FAM124A: variants seen among roughly 807,000 people sequenced by gnomAD.
The protein encoded by FAM124A is family with sequence similarity 124 member A.
FAM124A carries 23 observed loss-of-function variants against 24.5 expected under a neutral mutation model. The observed-to-expected ratio is 0.94, with a 90% CI of 0.68 to 1.33. FAM124A has a LOEUF of 1.33. FAM124A is among the 40% of genes most tolerant of loss of function. The probability of loss-of-function intolerance (pLI) is 0.00; values close to 1 mark genes in which losing one functional copy is unlikely to be tolerated. For missense variants in FAM124A, 623 were observed against 722.8 expected (o/e 0.86, Z 1.58); for synonymous variants, 287 against 314.7 (o/e 0.91, Z 0.93).
intron 2 of FAM124A, among the ~76,000 whole-genome samples, chr13:51,235,075 G>A (rs1464711387): frequency 7.3e-6 from 1 of 136,932 alleles, no homozygotes; most frequent in Admixed American, 7.7e-5. Flanking sequence ...GGATGGTTTG[G>A]TTTTGTCTGG....
chr13:51,233,878 A>G (rs904837316), intron 2 of FAM124A, among the ~76,000 whole-genome samples: 2 of 152,238 alleles, frequency 1.3e-5, no homozygotes, highest in Non-Finnish European at 2.9e-5. Context: ...AGAGAAGGGT[A>G]GTGACTTTGT....
chr13:51,251,659 C>T lies in FAM124A; in HGVS notation c.292C>T (p.Gln98Ter). 6.3e-7 allele frequency: 1 copy of T among 1,583,732 alleles called. No homozygotes were observed. Among genetic ancestry groups the T allele is most frequent in the South Asian group, 1.1e-5 (1 of 87,774 alleles). Residue 98 changes from glutamine to a stop codon, truncating the protein, a stop_gained, in exon 3 of 4, where the codon CAG becomes TAG. Transcript: ENST00000322475. LOFTEE classifies it high-confidence loss of function. The surrounding 1 kb of genome is among the most constrained non-coding windows in gnomAD (Gnocchi z 5.3). ...GCGGCGGAAGCCCCCCAAGGGCGCT[C>T]AGCCAGCGCTGGCTGTGGTGCTGTT... ...RRRRKPPKGA[Q>*]PALAVVLFLQ...
chr13:51,281,005 C>T lies in FAM124A; in HGVS notation c.1390C>T (p.Pro464Ser). 6.2e-7 allele frequency: 1 copy of T among 1,614,144 alleles called. No individual in the cohort carries two copies. The highest frequency in any genetic ancestry group is 8.5e-7 in the Non-Finnish European group (1 of 1,180,010). ...AGCTCACAAGGATTCCAGGGAGGGA[C>T]CACTGCCCACTGTCAGCAGGGTGAC... ...WAAHKDSREG[P>S]LPTVSRVTTE... is the part of the protein sequence containing the mutation. Residue 464 changes from proline (P) to serine (S), a missense_variant, in exon 4 of 4, where the codon CCA becomes TCA. Physicochemically the swap from Pro to Ser is moderately conservative, Grantham distance 74. Transcript: ENST00000322475.
In FAM124A at chr13:51,280,852, G is replaced by A; in HGVS notation, c.1237G>A (p.Asp413Asn). ...TGACCTAGAGGGGGCCCAGGAGACA[G>A]ACGTGGACACAGGCCTGCGGCTGTC... ...IDDLEGAQETDVDTGLRLSSS... is the reference protein window; with the variant it reads ...IDDLEGAQETNVDTGLRLSSS... The change falls in exon 4 of 4, where the codon GAC (aspartate) becomes AAC (asparagine). Residue 413 changes from aspartate (D) to asparagine (N), a missense_variant. By Grantham distance (23) the Asp-to-Asn change is conservative. Transcript: ENST00000322475. 6.2e-7 allele frequency: 1 copy of A among 1,614,148 alleles called. No individual in the cohort carries two copies. The highest frequency in any genetic ancestry group is 8.5e-7 in the Non-Finnish European group (1 of 1,180,034).
intron 3 of FAM124A, among the ~76,000 whole-genome samples, chr13:51,276,807 G>A (rs1041150438): frequency 2.0e-5 from 3 of 152,110 alleles, no homozygotes; most frequent in Non-Finnish European, 2.9e-5. Flanking sequence ...TGGCCATCAC[G>A]GGCTCATTAC....
chr13:51,222,669 G>A, intron 1 of FAM124A, 100 bp downstream of exon 1: 2 of 1,104,700 alleles, frequency 1.8e-6, no homozygotes, highest in Non-Finnish European at 2.3e-6. Flanking sequence ...CGACGGGACC[G>A]GGGCGCGGGG....
At chr13:51,234,686 A>G (rs1954416499) in intron 2 of FAM124A, among the ~76,000 whole-genome samples, 1 of 152,230 alleles carries the variant, frequency 6.6e-6, no homozygotes, top group Non-Finnish European at 1.5e-5. Flanking sequence ...GGAAAGAAGC[A>G]GGGAAGCACT....
intron 3 of FAM124A, among the ~76,000 whole-genome samples, chr13:51,280,172 G>A (rs754951524): frequency 6.6e-5 from 10 of 152,182 alleles, no homozygotes; most frequent in East Asian, 1.9e-4. Flanking sequence ...TTTGTTGAGC[G>A]CAATGGGCAT....
intron 3 of FAM124A, among the ~76,000 whole-genome samples, chr13:51,277,792 CA>C (rs1350046469): frequency 9.7e-6 from 1 of 103,422 alleles, no homozygotes; most frequent in Non-Finnish European, 1.8e-5. Flanking sequence ...GACTCTGTCT[CA>C]AAAAAAGAGA....
At position 51,251,119 on chromosome 13, in the gene FAM124A, G is replaced by C. The variant is rs565867274; in HGVS notation, c.101-349G>C. On this transcript the variant is annotated intron_variant, in intron 2 of 3. Coordinates refer to ENST00000322475, the MANE Select transcript of FAM124A (RefSeq NM_001242312.2). This position sits in a 1 kb window ranked among gnomAD's most constrained non-coding sequence, Gnocchi z 5.3. ...TGCCATCTTTTCTAATGGGCCTGTTGTTCCTTCCAAGTCACTAGACTTGAC... is the reference window on the plus strand; with the variant it reads ...TGCCATCTTTTCTAATGGGCCTGTTCTTCCTTCCAAGTCACTAGACTTGAC... Among the ~76,000 whole-genome samples the C allele has an allele frequency of 6.6e-6, 1 of 152,226 alleles. No individual in the cohort carries two copies. The highest frequency in any genetic ancestry group is 1.5e-5 in the Non-Finnish European group (1 of 68,036).
At chr13:51,245,140 G>A (rs573686322) in intron 2 of FAM124A, among the ~76,000 whole-genome samples, 4 of 152,198 alleles carry the variant, frequency 2.6e-5, no homozygotes, top group African/African-American at 4.8e-5. Context: ...AATACTTAGG[G>A]TTGTGTAGAT....
rs1208589577 is a variant in FAM124A, at chr13:51,227,331, G to C, written c.69-4017G>C. Reference sequence around the variant, plus strand: ...ATCTCCAGTATGCTTCCCACCTAGTGAAGTTGCCTCTCCAGGAGCTGTCTG... The same window carrying C: ...ATCTCCAGTATGCTTCCCACCTAGTCAAGTTGCCTCTCCAGGAGCTGTCTG... On this transcript the variant is annotated intron_variant, in intron 1 of 3. Coordinates refer to ENST00000322475, the MANE Select transcript of FAM124A (RefSeq NM_001242312.2). 2.0e-5 allele frequency: 3 copies of C among 152,198 alleles called. No individual in the cohort carries two copies. The East Asian group carries it at 5.8e-4, about 29-fold the overall frequency. The allele number at this position is 152,198 out of a possible 1,614,324, so 9.4% of individuals were successfully genotyped here.
In FAM124A at chr13:51,251,486, A is replaced by G; in HGVS notation, c.119A>G (p.Glu40Gly). ...CCCCCAGGTGAGCTTTCCGTTGAAGAGGCGCAGGACCCTTTCCTGGTCAGC... is the reference window on the plus strand; with the variant it reads ...CCCCCAGGTGAGCTTTCCGTTGAAGGGGCGCAGGACCCTTTCCTGGTCAGC... ...SSTSSELSVE[E>G]AQDPFLVSIH... Residue 40 changes from glutamate to glycine, a missense_variant, in exon 3 of 4, where the codon GAG becomes GGG. By Grantham distance (98) the Glu-to-Gly change is moderately conservative (BLOSUM62 -2). Transcript: ENST00000322475. This position sits in a 1 kb window ranked among gnomAD's most constrained non-coding sequence, Gnocchi z 5.3. The G allele has an allele frequency of 6.7e-7, 1 of 1,500,768 alleles. No individual in the cohort carries two copies. The highest frequency in any genetic ancestry group is 8.9e-7 in the Non-Finnish European group (1 of 1,124,228). 93.0% of individuals were successfully genotyped at this position (1,500,768 alleles called of 1,614,324 possible).
chr13:51,259,101 G>A (rs1439222004), intron 3 of FAM124A, among the ~76,000 whole-genome samples: 1 of 152,110 alleles, frequency 6.6e-6, no homozygotes, highest in Non-Finnish European at 1.5e-5. Context: ...CAAAACCAGC[G>A]GAGTCATCCC....
intron 2 of FAM124A, chr13:51,245,541 C>A: frequency 2.2e-6 from 1 of 446,802 alleles, no homozygotes; most frequent in Non-Finnish European, 4.0e-6. Context: ...GATTTGGGGG[C>A]TGCTTTTTTG....
Position 51,252,081 on chromosome 13 carries a change from G to C in FAM124A, c.714G>C (p.Val238=). The C allele has an allele frequency of 1.9e-6, 3 of 1,614,130 alleles. No homozygotes were observed. Among genetic ancestry groups the C allele is most frequent in the East Asian group, 2.2e-5 (1 of 44,878 alleles). The part of the protein sequence containing the change: ...DQCPVPTDSS[V]LEFRVRDIGE... ...GCCCGGTGCCCACCGACTCCTCCGT[G>C]CTGGAGTTCCGAGTGAGGGACATAG... Residue 238 remains valine, a synonymous_variant, in exon 3 of 4, where the codon GTG becomes GTC. Transcript: ENST00000322475.
intron 3 of FAM124A, among the ~76,000 whole-genome samples, chr13:51,256,787 C>T (rs1302377955): frequency 6.6e-6 from 1 of 152,198 alleles, no homozygotes; most frequent in Non-Finnish European, 1.5e-5. Flanking sequence ...CACCATCCAT[C>T]TCTGTAACTT....
chr13:51,234,212 C>A (rs1446480962), intron 2 of FAM124A, among the ~76,000 whole-genome samples: 1 of 152,218 alleles, frequency 6.6e-6, no homozygotes, highest in Non-Finnish European at 1.5e-5. Flanking sequence ...TGCTCCTTTA[C>A]CCATTTGTTC....
Position 51,229,295 on chromosome 13 carries a change from T to C in FAM124A, c.69-2053T>C, listed in dbSNP as rs537018166. On this transcript the variant is annotated intron_variant, in intron 1 of 3. Transcript: ENST00000322475. ...TTTATCCTTTGCAAAGATTGGCTGC[T>C]GTATGTGGAGGGAACTGCAGCAGGA... Among the ~76,000 whole-genome samples, 12 of 152,330 alleles carry C rather than the reference T, an allele frequency of 7.9e-5. No individual in the cohort carries two copies. In the East Asian group the frequency reaches 2.3e-3, roughly 29 times the overall value.
Sources: gnomAD v4.1 joint callset for allele counts (sites outside exome capture counted in the v4.1 genomes callset) on GRCh38, gnomAD v4.1.1 for gene constraint, Gnocchi (gnomAD v3.1) non-coding constraint, MANE v1.5 for transcripts, NCBI Gene and HGNC (gene_info 2026-07-23, HGNC 2026-07-21) for gene names.